The following ARHGAP8 variants were observed in gnomAD, a reference collection of about 807,000 sequenced individuals.
ARHGAP8 encodes rho GTPase-activating protein 8.
In ARHGAP8, 62 loss-of-function variants were observed where a neutral mutation model predicts 46.1. The observed-to-expected ratio is 1.34, with a 90% confidence interval of 1.10 to 1.66. The LOEUF is 1.66. Ranked by LOEUF, ARHGAP8 falls within the 40% of genes most tolerant of loss-of-function variation. ARHGAP8 has a pLI of 0.00. For missense variants in ARHGAP8, 923 were observed against 568.4 expected, an observed-to-expected ratio of 1.62 and a Z score of -6.34; for synonymous variants, 375 against 243.1, an observed-to-expected ratio of 1.54 and a Z score of -5.05.
At chr22:44,756,845 T>G (rs1243576073) in intron 1 of ARHGAP8, among the ~76,000 whole-genome samples, 5 of 152,036 alleles carry the variant, frequency 3.3e-5, no homozygotes, top group Non-Finnish European at 5.9e-5. Flanking sequence ...TGATGTTAAA[T>G]CAAGCTTGAA....
chr22:44,827,805 C>T (rs1930644451), intron 7 of ARHGAP8, among the ~76,000 whole-genome samples: 1 of 151,978 alleles, frequency 6.6e-6, no homozygotes, highest in South Asian at 2.1e-4. Context: ...GTGCTTGAGC[C>T]CAGGAGAGGG....
At chr22:44,791,940 T>C (rs1369148967) in intron 2 of ARHGAP8, among the ~76,000 whole-genome samples, 1 of 152,008 alleles carries the variant, frequency 6.6e-6, no homozygotes, top group Non-Finnish European at 1.5e-5. Flanking sequence ...CCAATGCAGG[T>C]GCATTGGATA....
chr22:44,805,354 A>G lies in ARHGAP8; in HGVS notation c.168-2953A>G, dbSNP rs529733157. Among the ~76,000 whole-genome samples the G allele has an allele frequency of 4.6e-5, 7 of 152,372 alleles. No individual in the cohort carries two copies. In the East Asian group the frequency reaches 1.3e-3, roughly 29 times the overall value. On this transcript the variant is annotated intron_variant, in intron 3 of 11. Coordinates refer to ENST00000356099, the MANE Select transcript of ARHGAP8 (RefSeq NM_181335.3). ...CAGGTCTCAGTTTTCTTTTGGGGTG[A>G]TAACAGTGTTTCAGAGCTGTAGAGA...
chr22:44,757,479 GT>G (rs1360920540), intron 1 of ARHGAP8, among the ~76,000 whole-genome samples: 1 of 152,080 alleles, frequency 6.6e-6, no homozygotes. Flanking sequence ...GTTTTACCAT[GT>G]TGGCCATGCT....
chr22:44,809,101 A>G (rs575846601), intron 4 of ARHGAP8: 6 of 470,512 alleles, frequency 1.3e-5, no homozygotes, highest in African/African-American at 8.0e-5. Context: ...GATTACAGGC[A>G]GGAGCCACCA....
chr22:44,847,942 T>C, intron 8 of ARHGAP8, 31 bp from the exon 9 acceptor site: 1 of 1,604,380 alleles, frequency 6.2e-7, no homozygotes, highest in African/African-American at 1.3e-5. Context: ...GGCTGGGACC[T>C]GTGAGATGCC....
chr22:44,815,973 G>A (rs978442738), intron 5 of ARHGAP8, among the ~76,000 whole-genome samples: 18 of 152,302 alleles, frequency 1.2e-4, no homozygotes, highest in African/African-American at 3.8e-4. Flanking sequence ...GCACCAGACG[G>A]GTCAGGATAG....
intron 11 of ARHGAP8, among the ~76,000 whole-genome samples, chr22:44,861,517 C>G (rs1437191243): frequency 6.6e-6 from 1 of 151,458 alleles, no homozygotes; most frequent in Non-Finnish European, 1.5e-5. Flanking sequence ...GCATCCTCAA[C>G]AGATCTGTGA....
intron 4 of ARHGAP8, chr22:44,808,921 A>G: frequency 2.7e-6 from 1 of 367,472 alleles, no homozygotes; most frequent in Non-Finnish European, 5.4e-6. Flanking sequence ...GGGCTCAAGC[A>G]GTCCTCTTGC....
intron 7 of ARHGAP8, among the ~76,000 whole-genome samples, chr22:44,835,231 C>CTATATA (rs71188491): frequency 0.015 from 2,153 of 146,914 alleles, 30 homozygotes; most frequent in South Asian, 0.027. Context: ...GTTTCTTTTG[C>CTATATA]TATATATATA....
At chr22:44,829,569 G>A (rs769702137) in intron 7 of ARHGAP8, among the ~76,000 whole-genome samples, 2 of 152,182 alleles carry the variant, frequency 1.3e-5, no homozygotes, top group African/African-American at 2.4e-5. Context: ...CTGCTTTTGG[G>A]ACAATGGGCC....
intron 7 of ARHGAP8, among the ~76,000 whole-genome samples, chr22:44,840,665 G>A (rs1931590028): frequency 6.6e-6 from 1 of 150,934 alleles, no homozygotes; most frequent in Non-Finnish European, 1.5e-5. Flanking sequence ...CTGTGACGTG[G>A]ACCGCCTCTG....
intron 2 of ARHGAP8, among the ~76,000 whole-genome samples, chr22:44,797,407 G>A (rs1397905871): frequency 1.3e-5 from 2 of 152,084 alleles, no homozygotes; most frequent in Non-Finnish European, 2.9e-5. Context: ...TGGCCTCCGC[G>A]GTGGTAGACA....
intron 1 of ARHGAP8, among the ~76,000 whole-genome samples, chr22:44,779,161 G>A (rs996544849): frequency 7.8e-4 from 116 of 149,548 alleles, no homozygotes; most frequent in Non-Finnish European, 1.2e-3. Context: ...GTGCAGTGGC[G>A]CGATCTTGGC....
chr22:44,775,921 A>C (rs557726219), intron 1 of ARHGAP8, among the ~76,000 whole-genome samples: 3 of 152,120 alleles, frequency 2.0e-5, no homozygotes, highest in Non-Finnish European at 2.9e-5. Flanking sequence ...CACATTTCCA[A>C]ATTTGCTTGA....
intron 2 of ARHGAP8, among the ~76,000 whole-genome samples, chr22:44,788,093 ATATGTTAT>A (rs1476061654): frequency 8.3e-6 from 1 of 120,196 alleles, no homozygotes; most frequent in Non-Finnish European, 1.9e-5. Context: ...AATTTTTATT[ATATGTTAT>A]TATTATTATT....
intron 5 of ARHGAP8, among the ~76,000 whole-genome samples, chr22:44,815,904 C>T (rs1317773647): frequency 6.6e-6 from 1 of 151,472 alleles, no homozygotes; most frequent in Non-Finnish European, 1.5e-5. Context: ...GTGGCTCTGG[C>T]CCTCCCTGGG....
intron 5 of ARHGAP8, among the ~76,000 whole-genome samples, chr22:44,818,491 T>C (rs573644842): frequency 6.7e-6 from 1 of 149,528 alleles, no homozygotes; most frequent in African/African-American, 2.5e-5. Context: ...GTTTTCCACG[T>C]GGCAGCGTGA....
intron 11 of ARHGAP8, among the ~76,000 whole-genome samples, chr22:44,860,328 T>A (rs986624003): frequency 4.6e-5 from 7 of 152,148 alleles, no homozygotes; most frequent in African/African-American, 1.7e-4. Flanking sequence ...AAGCAAGGTG[T>A]GGCGGGCTGT....
Sources: gnomAD v4.1 joint callset for allele counts (sites outside exome capture counted in the v4.1 genomes callset) on GRCh38, gnomAD v4.1.1 for gene constraint, MANE v1.5 for transcripts, NCBI Gene and HGNC (gene_info 2026-07-23, HGNC 2026-07-21) for gene names.